The following CLIP2 variants were observed in gnomAD, a reference collection of about 807,000 sequenced individuals.
The protein encoded by CLIP2 is CAP-Gly domain containing linker protein 2.
Under a neutral mutation model 111.7 loss-of-function variants are expected in CLIP2, and 41 were observed. The observed-to-expected ratio is 0.37, with a 90% CI of 0.29 to 0.48. The LOEUF (loss-of-function observed/expected upper bound fraction) is 0.48. CLIP2 is among the 20% of genes least tolerant of loss of function. The pLI is 0.99. For synonymous variants in CLIP2, 660 were observed against 644.2 expected, an observed-to-expected ratio of 1.02 and a Z score of -0.37; for missense variants, 1,160 against 1,422.1, an observed-to-expected ratio of 0.82 and a Z score of 2.96.
chr7:74,321,403 C>T (rs1382495877), intron 2 of CLIP2, among the ~76,000 whole-genome samples: 3 of 152,054 alleles, frequency 2.0e-5, no homozygotes, highest in Admixed American at 1.3e-4. Flanking sequence ...TTCCTATTGC[C>T]GACATTGGCA....
chr7:74,305,970 C>T (rs1554727693), intron 1 of CLIP2, among the ~76,000 whole-genome samples: 1 of 151,638 alleles, frequency 6.6e-6, no homozygotes, highest in African/African-American at 2.4e-5. Context: ...CTCTGTGGCC[C>T]CTCATCCCCT....
intron 2 of CLIP2, among the ~76,000 whole-genome samples, chr7:74,318,351 G>A (rs543343948): frequency 3.9e-5 from 6 of 152,148 alleles, no homozygotes; most frequent in African/African-American, 1.4e-4. Flanking sequence ...CTACGGGAGG[G>A]TTTAAACCAA....
chr7:74,358,287 G>A (rs567632991), intron 6 of CLIP2, among the ~76,000 whole-genome samples: 34 of 151,784 alleles, frequency 2.2e-4, no homozygotes, highest in African/African-American at 7.7e-4. Flanking sequence ...CTGACCTCAA[G>A]TGATCTGCCT....
chr7:74,316,333 C>T (rs1009553704), intron 1 of CLIP2, among the ~76,000 whole-genome samples: 2 of 152,030 alleles, frequency 1.3e-5, no homozygotes, highest in Admixed American at 6.6e-5. Context: ...CAGCCTTGGC[C>T]TCTCAGGCTC....
chr7:74,324,515 G>A lies in CLIP2; in HGVS notation c.121+6848G>A, dbSNP rs375645215. On this transcript the variant is annotated intron_variant, in intron 2 of 16. Transcript: ENST00000223398. ...AAGGACTGGGTGGTCGGACTGCCTT[G>A]GGCCTCCACCCTCAAAGCTGTCCCA... Among the ~76,000 whole-genome samples, 7 of 152,044 alleles carry A rather than the reference G, an allele frequency of 4.6e-5. No homozygotes were observed. The East Asian group carries it at 5.8e-4, about 13-fold the overall frequency.
chr7:74,404,894 C>T lies in CLIP2; in HGVS notation c.*1046C>T, dbSNP rs910775105. The T allele has an allele frequency of 6.6e-6, 1 of 152,234 alleles. No homozygotes were observed. Among genetic ancestry groups the T allele is most frequent in the African/African-American group, 2.4e-5 (1 of 41,436 alleles). The allele number at this position is 152,234 out of a possible 1,614,324, so 9.4% of individuals were successfully genotyped here. On this transcript the variant is annotated 3_prime_UTR_variant, in exon 17 of 17. Coordinates refer to ENST00000223398, the MANE Select transcript of CLIP2 (RefSeq NM_003388.5). ...CCACACAGAGACACATACTTGGTTTCTGGGACTGAGACCCAGGCCTGGCAG... is the reference window on the plus strand; with the variant it reads ...CCACACAGAGACACATACTTGGTTTTTGGGACTGAGACCCAGGCCTGGCAG...
At chr7:74,388,340 C>A (rs7785855) in intron 12 of CLIP2, among the ~76,000 whole-genome samples, 32,878 of 151,254 alleles carry the variant, frequency 0.22, 3,826 homozygotes, top group Non-Finnish European at 0.24. Context: ...CACACACACA[C>A]ACAAAAACAA....
intron 11 of CLIP2, among the ~76,000 whole-genome samples, chr7:74,384,441 ATTTTTT>A (rs533449196): frequency 2.0e-5 from 2 of 98,474 alleles, no homozygotes; most frequent in Admixed American, 2.3e-4. Flanking sequence ...AGGTCATATG[ATTTTTT>A]TTTTTTTTTT....
intron 1 of CLIP2, among the ~76,000 whole-genome samples, chr7:74,308,462 A>G (rs1185656408): frequency 6.6e-6 from 1 of 152,132 alleles, no homozygotes; most frequent in Non-Finnish European, 1.5e-5. Context: ...CTCTTGGGTA[A>G]GTATCATTCA....
chr7:74,364,103 T>C (rs782675388), intron 7 of CLIP2, 152 bp from the exon 8 acceptor site: 31 of 648,876 alleles, frequency 4.8e-5, no homozygotes, highest in Non-Finnish European at 7.8e-5. Context: ...TTGGGAGGTC[T>C]AGAGCTTTCC....
intron 14 of CLIP2, among the ~76,000 whole-genome samples, chr7:74,399,554 G>GC (rs1791559906): frequency 2.9e-5 from 3 of 104,464 alleles, no homozygotes; most frequent in Non-Finnish European, 5.9e-5. Context: ...GGGGGGGGGG[G>GC]GTGGGGACCA....
chr7:74,393,631 G>C (rs138086695), intron 13 of CLIP2, among the ~76,000 whole-genome samples: 7 of 152,042 alleles, frequency 4.6e-5, no homozygotes, highest in African/African-American at 1.7e-4. Flanking sequence ...CCACTCTGCC[G>C]GGCCCAGCAT....
At chr7:74,372,749 A>G (rs1342776292) in intron 8 of CLIP2, among the ~76,000 whole-genome samples, 183 bp from the exon 9 acceptor site, 1 of 146,748 alleles carries the variant, frequency 6.8e-6, no homozygotes, top group Non-Finnish European at 1.5e-5. Flanking sequence ...GCCTCCCCAG[A>G]CTTCCTCTCT....
intron 1 of CLIP2, among the ~76,000 whole-genome samples, chr7:74,295,009 G>A (rs1321200211): frequency 6.6e-6 from 1 of 152,150 alleles, no homozygotes; most frequent in Non-Finnish European, 1.5e-5. Context: ...CACCCAGGCT[G>A]GAGTGCAGTG....
chr7:74,343,485 C>T (rs896851889), intron 3 of CLIP2, among the ~76,000 whole-genome samples: 1 of 151,894 alleles, frequency 6.6e-6, no homozygotes, highest in Non-Finnish European at 1.5e-5. Context: ...ACTTACAGAG[C>T]CTCATCTTCA....
At chr7:74,394,821 G>A (rs141838109) in intron 13 of CLIP2, among the ~76,000 whole-genome samples, 2,623 of 152,254 alleles carry the variant, frequency 0.017, 36 homozygotes, top group Middle Eastern at 0.031. Context: ...CCAGGCCCCT[G>A]GCCAGGGTTC....
At chr7:74,387,673 A>C (rs1348375158) in intron 12 of CLIP2, among the ~76,000 whole-genome samples, 2 of 152,194 alleles carry the variant, frequency 1.3e-5, no homozygotes, top group East Asian at 1.9e-4. Context: ...AATTGGCCCC[A>C]AAAAAGGTCA....
At chr7:74,337,244 G>T (rs1356438994) in intron 2 of CLIP2, among the ~76,000 whole-genome samples, 5 of 152,084 alleles carry the variant, frequency 3.3e-5, no homozygotes, top group Admixed American at 2.0e-4. Context: ...GCTGCAGCTT[G>T]GGGAGGGGAG....
At chr7:74,374,696 G>T (rs1554312443) in intron 9 of CLIP2, among the ~76,000 whole-genome samples, 1 of 152,032 alleles carries the variant, frequency 6.6e-6, no homozygotes, top group Non-Finnish European at 1.5e-5. Flanking sequence ...ACTCCAGCCT[G>T]GGCAAGAGAG....
Sources: gnomAD v4.1 joint callset for allele counts (sites outside exome capture counted in the v4.1 genomes callset) on GRCh38, gnomAD v4.1.1 for gene constraint, MANE v1.5 for transcripts, NCBI Gene and HGNC (gene_info 2026-07-23, HGNC 2026-07-21) for gene names.